Variants in CDH13 observed in about 807,000 individuals in gnomAD.
CDH13 encodes the protein cadherin-13.
Under a neutral mutation model 63.8 loss-of-function variants are expected in CDH13, and 24 were observed. The observed-to-expected ratio is 0.38, with a 90% confidence interval of 0.27 to 0.53. CDH13 has a LOEUF of 0.53. CDH13 is among the 20% of genes least tolerant of loss of function. The probability of loss-of-function intolerance (pLI) is 0.85; values close to 1 mark genes in which losing one functional copy is unlikely to be tolerated. For synonymous variants in CDH13, 503 were observed against 355.3 expected (o/e 1.42, Z -4.67); for missense variants, 1,049 against 903.1 (o/e 1.16, Z -2.07).
intron 1 of CDH13, among the ~76,000 whole-genome samples, chr16:82,845,360 A>T (rs1362134816): frequency 6.6e-6 from 1 of 152,168 alleles, no homozygotes; most frequent in Non-Finnish European, 1.5e-5. Flanking sequence ...ACATTAGCCA[A>T]GCTCCTGCAG....
At chr16:82,979,394 C>T (rs1170088983) in intron 2 of CDH13, among the ~76,000 whole-genome samples, 1 of 152,070 alleles carries the variant, frequency 6.6e-6, no homozygotes, top group African/African-American at 2.4e-5. Context: ...GTGTCCTCAT[C>T]CAAATTTCAT....
At chr16:83,263,123 G>C (rs1046887304) in intron 5 of CDH13, among the ~76,000 whole-genome samples, 1 of 152,220 alleles carries the variant, frequency 6.6e-6, no homozygotes, top group Admixed American at 6.5e-5. Flanking sequence ...GATGGGCTGA[G>C]TGTGATTATG....
At chr16:82,912,352 C>T (rs1052005781) in intron 2 of CDH13, among the ~76,000 whole-genome samples, 2 of 152,190 alleles carry the variant, frequency 1.3e-5, no homozygotes, top group East Asian at 3.9e-4. Context: ...CCATTCTAAA[C>T]CTTTATGGGT....
rs572103572 is a variant in CDH13, at chr16:83,742,293, G to A, written c.1539-5815G>A. 1.7e-4 allele frequency among the ~76,000 whole-genome samples: 26 copies of A among 152,266 alleles called. No homozygotes were observed. In the South Asian group the frequency reaches 5.4e-3, roughly 32 times the overall value. ...CAGTAACCCCCACTGCGCTGCCTGC[G>A]ACTCGAATTCTGTTAATCAGTTTGC... On this transcript the variant is annotated intron_variant, in intron 10 of 13. Transcript: ENST00000567109.
At chr16:83,286,628 C>T (rs76869073) in intron 5 of CDH13, among the ~76,000 whole-genome samples, 1,812 of 151,848 alleles carry the variant, frequency 0.012, 22 homozygotes, top group African/African-American at 0.041. Context: ...TGGCAGCATG[C>T]GCTGGTAGTC....
chr16:83,349,236 C>T (rs2090901577), intron 6 of CDH13, among the ~76,000 whole-genome samples: 1 of 152,208 alleles, frequency 6.6e-6, no homozygotes, highest in African/African-American at 2.4e-5. Context: ...GCTCTGGCTG[C>T]TCCTTGGGGG....
intron 6 of CDH13, among the ~76,000 whole-genome samples, chr16:83,451,237 C>T (rs1240758640): frequency 6.6e-6 from 1 of 152,188 alleles, no homozygotes; most frequent in Non-Finnish European, 1.5e-5. Context: ...TTCCACATGG[C>T]TGGGGAGGCC....
chr16:83,786,294 T>G (rs692612), intron 13 of CDH13, among the ~76,000 whole-genome samples: 1 of 152,018 alleles, frequency 6.6e-6, no homozygotes, highest in East Asian at 1.9e-4. Context: ...TGCCACTGTG[T>G]GATAAGAGCA....
intron 2 of CDH13, among the ~76,000 whole-genome samples, chr16:82,888,020 C>T (rs375190374): frequency 3.3e-5 from 5 of 151,930 alleles, no homozygotes; most frequent in Admixed American, 3.3e-4. Context: ...CGGTTTTGGC[C>T]AAAGGGCTGT....
chr16:82,699,012 G>A (rs1443559842), intron 1 of CDH13, among the ~76,000 whole-genome samples: 1 of 151,906 alleles, frequency 6.6e-6, no homozygotes, highest in East Asian at 1.9e-4. Flanking sequence ...TGCCACATTT[G>A]GCCCGTGAGC....
At chr16:82,832,016 G>A (rs576502764) in intron 1 of CDH13, among the ~76,000 whole-genome samples, 15 of 152,254 alleles carry the variant, frequency 9.9e-5, no homozygotes, top group South Asian at 2.1e-4. Context: ...GCAAAGTCCC[G>A]CATATGATAA....
chr16:82,903,484 C>G (rs772828453), intron 2 of CDH13, among the ~76,000 whole-genome samples: 1 of 152,218 alleles, frequency 6.6e-6, no homozygotes, highest in Non-Finnish European at 1.5e-5. Flanking sequence ...TTCTTCCCAC[C>G]TAGTTTTTTC....
At chr16:82,649,327 A>G (rs1217092081) in intron 1 of CDH13, among the ~76,000 whole-genome samples, 1 of 152,130 alleles carries the variant, frequency 6.6e-6, no homozygotes, top group Non-Finnish European at 1.5e-5. Flanking sequence ...GGATGGATGG[A>G]TGGATGATGG....
intron 6 of CDH13, among the ~76,000 whole-genome samples, chr16:83,393,345 G>C (rs1258455262): frequency 1.3e-5 from 2 of 152,166 alleles, no homozygotes; most frequent in Non-Finnish European, 2.9e-5. Flanking sequence ...ACTGCAGAGG[G>C]ACATTTCTGA....
intron 2 of CDH13, among the ~76,000 whole-genome samples, chr16:82,953,067 G>T (rs1356519030): frequency 1.3e-5 from 2 of 152,120 alleles, no homozygotes; most frequent in Non-Finnish European, 2.9e-5. Flanking sequence ...TTGCTGTACT[G>T]TTCCAAACTG....
intron 7 of CDH13, among the ~76,000 whole-genome samples, chr16:83,571,592 C>A (rs1168249978): frequency 5.3e-5 from 8 of 152,082 alleles, no homozygotes; most frequent in Admixed American, 4.6e-4. Context: ...ACCAGATAAT[C>A]AAGAAATATT....
intron 1 of CDH13, among the ~76,000 whole-genome samples, chr16:82,674,833 C>G (rs968656571): frequency 6.6e-6 from 1 of 152,118 alleles, no homozygotes; most frequent in African/African-American, 2.4e-5. Flanking sequence ...TTCTGAGACA[C>G]AAATGGATGA....
chr16:82,967,874 C>G (rs1908095659), intron 2 of CDH13, among the ~76,000 whole-genome samples: 1 of 152,154 alleles, frequency 6.6e-6, no homozygotes, highest in Non-Finnish European at 1.5e-5. Flanking sequence ...TTGTAACTAA[C>G]AAGGGTCTTG....
At chr16:83,715,084 C>G (rs1045729395) in intron 10 of CDH13, among the ~76,000 whole-genome samples, 12 of 152,252 alleles carry the variant, frequency 7.9e-5, no homozygotes, top group Non-Finnish European at 1.3e-4. Context: ...AGTATTTCTT[C>G]ATTCGTTCAT....
Sources: allele counts gnomAD v4.1 joint callset (sites outside exome capture counted in the v4.1 genomes callset), GRCh38; gene constraint gnomAD v4.1.1; transcripts MANE v1.5; gene names NCBI Gene and HGNC (gene_info 2026-07-23, HGNC 2026-07-21).